Variants in EIF6 observed in about 807,000 individuals in gnomAD.
EIF6 encodes eukaryotic translation initiation factor 6, also known as B4 integrin interactor.
A neutral mutation model predicts 25.5 loss-of-function variants in EIF6; 10 were observed. The ratio of observed to expected loss-of-function variants is 0.39; its 90% confidence interval spans 0.24 to 0.66. The LOEUF is 0.66. EIF6 is among the 30% of genes least tolerant of loss of function. The pLI is 0.45. For missense variants in EIF6, 246 were observed against 315.4 expected, an observed-to-expected ratio of 0.78 and a Z score of 1.67; for synonymous variants, 122 against 122.6, an observed-to-expected ratio of 1.00 and a Z score of 0.03.
At chr20:35,280,619 C>A (rs1332970537) in intron 4 of EIF6, 35 bp downstream of exon 4, 2 of 1,606,806 alleles carry the variant, frequency 1.2e-6, no homozygotes, top group Admixed American at 3.4e-5. Flanking sequence ...ACTAGGATGG[C>A]CCTGTGACTC....
chr20:35,280,568 C>T, intron 4 of EIF6, 86 bp downstream of exon 4: 1 of 1,510,572 alleles, frequency 6.6e-7, no homozygotes, highest in South Asian at 1.2e-5. Flanking sequence ...GGAGAGACCC[C>T]TAATTGCTGC....
At position 35,284,741 on chromosome 20, in the gene EIF6, A is replaced by T; in HGVS notation, c.-21T>A. ...ACCAGCTTACCAAGTAACCAGTAACAAGCTCCGCACGCGGCGACTGTACCT... is the reference window on the plus strand; with the variant it reads ...ACCAGCTTACCAAGTAACCAGTAACTAGCTCCGCACGCGGCGACTGTACCT... On this transcript the variant is annotated 5_prime_UTR_variant, in exon 1 of 7. Coordinates refer to ENST00000374450, the MANE Select transcript of EIF6 (RefSeq NM_002212.4). 1 of 536,348 alleles carries T rather than the reference A, an allele frequency of 1.9e-6. No homozygotes were observed. The highest frequency in any genetic ancestry group is 3.3e-6 in the Non-Finnish European group (1 of 300,938). The allele number at this position is 536,348 out of a possible 1,614,324, so 33.2% of individuals were successfully genotyped here. A position where few individuals can be genotyped will look rare whatever the true frequency, so the allele number is the denominator to read the frequency against.
rs770183082 is a variant in EIF6 at position 35,279,669 on chromosome 20, C to T, written c.625G>A (p.Asp209Asn). 5 of 1,614,190 alleles carry T rather than the reference C, an allele frequency of 3.1e-6. No homozygotes were observed. The highest frequency in any genetic ancestry group is 4.2e-6 in the Non-Finnish European group (5 of 1,180,042). Residue 209 changes from aspartate to asparagine, a missense_variant, in exon 6 of 7, where the codon GAC becomes AAC. Transcript: ENST00000374450. ...ACTGACAGCTCTGTGCTGGTTGTGT[C>T]CAGGCCACAGAAGGCACACCAGTCA... ...VNDWCAFCGL[D>N]TTSTELSVVE...
Position 35,278,986 on chromosome 20 carries a change from GGCCTGCCAGCCAGCACAACAGA to G in EIF6, c.*189_*210del. ...CAGAACCCTCAGCCAGCAGCCACAG[GGCCTGCCAGCCAGCACAACAGA>G]GCAGGTTTTTGCAGTAATGATAGAT... is the stretch of plus-strand genomic sequence containing the variant. On this transcript the variant is annotated 3_prime_UTR_variant, in exon 7 of 7. Coordinates refer to ENST00000374450, the MANE Select transcript of EIF6 (RefSeq NM_002212.4). 2 of 635,086 alleles carry G rather than the reference GGCCTGCCAGCCAGCACAACAGA, an allele frequency of 3.1e-6. No individual in the cohort carries two copies. The highest frequency in any genetic ancestry group is 3.6e-5 in the South Asian group (2 of 54,808). 39.3% of individuals were successfully genotyped at this position (635,086 alleles called of 1,614,324 possible).
chr20:35,280,611 T>G (rs1843991089), intron 4 of EIF6, 43 bp downstream of exon 4: 7 of 1,602,526 alleles, frequency 4.4e-6, no homozygotes, highest in Non-Finnish European at 5.1e-6. Flanking sequence ...AACCACTGAC[T>G]AGGATGGCCC....
chr20:35,284,574 G>A (rs2060809479), intron 1 of EIF6, 82 bp from the exon 2 acceptor site: 1 of 1,485,572 alleles, frequency 6.7e-7, no homozygotes, highest in African/African-American at 1.4e-5. Context: ...GCCCCGCCGC[G>A]ACCCCGCCCC....
In EIF6 at chr20:35,279,721, C is replaced by G; in HGVS notation, c.573G>C (p.Glu191Asp). Residue 191 changes from glutamate to aspartate, a missense_variant, in exon 6 of 7, where the codon GAG (glutamate) becomes GAC (aspartate). Glu to Asp is a conservative substitution (Grantham distance 45). Coordinates refer to ENST00000374450, the MANE Select transcript of EIF6 (RefSeq NM_002212.4). ...LVAGTVNRGS[E>D]VIAAGMVVND... ...TCACCACCATCCCAGCAGCAATCAC[C>G]TCACTGCCTCGGTTCACAGTCCCCG... The G allele has an allele frequency of 6.2e-7, 1 of 1,614,168 alleles. No homozygotes were observed. Among genetic ancestry groups the G allele is most frequent in the African/African-American group, 1.3e-5 (1 of 75,022 alleles).
chr20:35,280,541 C>A, intron 4 of EIF6, 113 bp downstream of exon 4: 1 of 1,279,436 alleles, frequency 7.8e-7, no homozygotes, highest in South Asian at 1.4e-5. Context: ...CTCAAGAGCC[C>A]ATATAGAAAA....
At chr20:35,284,317 G>A (rs1333324786) in intron 2 of EIF6, 56 bp from the exon 3 acceptor site, 2 of 1,613,862 alleles carry the variant, frequency 1.2e-6, no homozygotes, top group Non-Finnish European at 8.5e-7. Context: ...CCCTCCCACT[G>A]CCGGAGCTCT....
chr20:35,281,608 GCTAA>G (rs2060776542), intron 3 of EIF6, among the ~76,000 whole-genome samples: 1 of 151,950 alleles, frequency 6.6e-6, no homozygotes, highest in Non-Finnish European at 1.5e-5. Context: ...ACCACACCTG[GCTAA>G]CTTTTTGTGA....
At chr20:35,283,926 T>C (rs2060799341) in intron 3 of EIF6, among the ~76,000 whole-genome samples, 1 of 152,222 alleles carries the variant, frequency 6.6e-6, no homozygotes, top group Non-Finnish European at 1.5e-5. Flanking sequence ...TCCTACCTTC[T>C]AGTGTCTTTG....
chr20:35,282,214 C>T (rs955643936), intron 3 of EIF6, among the ~76,000 whole-genome samples: 1 of 152,214 alleles, frequency 6.6e-6, no homozygotes, highest in Admixed American at 6.5e-5. Context: ...TGGTCTCGAT[C>T]TCCCGACCTC....
chr20:35,283,933 T>C (rs2060799446), intron 3 of EIF6, among the ~76,000 whole-genome samples: 1 of 152,238 alleles, frequency 6.6e-6, no homozygotes, highest in Admixed American at 6.5e-5. Context: ...TTCTAGTGTC[T>C]TTGTGACGAA....
chr20:35,283,060 G>C (rs545506276), intron 3 of EIF6, among the ~76,000 whole-genome samples: 1 of 152,210 alleles, frequency 6.6e-6, no homozygotes, highest in African/African-American at 2.4e-5. Flanking sequence ...GGGAGGCCGA[G>C]GTGGGAGGAT....
chr20:35,282,369 C>T (rs1262578862), intron 3 of EIF6, among the ~76,000 whole-genome samples: 6 of 152,212 alleles, frequency 3.9e-5, no homozygotes, highest in African/African-American at 9.6e-5. Flanking sequence ...TTGTGATATA[C>T]TTACACAAAA....
rs2060799687 is a variant in EIF6 at position 35,283,944 on chromosome 20, G to A, written c.193+232C>T. Among the ~76,000 whole-genome samples the A allele has an allele frequency of 2.0e-5, 3 of 152,330 alleles. No individual in the cohort carries two copies. In the South Asian group the frequency reaches 6.2e-4, roughly 32 times the overall value. Reference sequence around the variant, plus strand: ...TACCTTCTAGTGTCTTTGTGACGAAGGAATGAGAACAGGAGTGAAAGCACT... The same window carrying A: ...TACCTTCTAGTGTCTTTGTGACGAAAGAATGAGAACAGGAGTGAAAGCACT... On this transcript the variant is annotated intron_variant, in intron 3 of 6. Coordinates refer to ENST00000374450, the MANE Select transcript of EIF6 (RefSeq NM_002212.4).
Position 35,284,187 on chromosome 20 carries a change from C to T in EIF6, c.182G>A (p.Arg61His). Residue 61 changes from arginine (R) to histidine (H), a missense_variant, in exon 3 of 7, where the codon CGC (arginine) becomes CAC (histidine). By Grantham distance (29) the Arg-to-His change is conservative. Transcript: ENST00000374450. ...ASIAGCRIIG[R>H]MCVGNRHGLL... ...TCCACCTGCCTTACCCACACACATG[C>T]GCCCGATGATGCGGCAGCCGGCGAT... The T allele has an allele frequency of 1.9e-6, 3 of 1,594,776 alleles. No homozygotes were observed. Among genetic ancestry groups the T allele is most frequent in the South Asian group, 2.2e-5 (2 of 90,398 alleles).
At chr20:35,282,906 TAAAAA>T (rs74601786) in intron 3 of EIF6, among the ~76,000 whole-genome samples, 1 of 151,762 alleles carries the variant, frequency 6.6e-6, no homozygotes, top group African/African-American at 2.4e-5. Flanking sequence ...AAAGTAAAAG[TAAAAA>T]AATAAAATAA....
At chr20:35,279,353 A>G (rs2060749496) in intron 6 of EIF6, 147 bp from the exon 7 acceptor site, 2 of 1,307,032 alleles carry the variant, frequency 1.5e-6, no homozygotes, top group Admixed American at 4.1e-5. Flanking sequence ...AGCCCTGAAA[A>G]ACCACAAAGA....
Sources: allele counts gnomAD v4.1 joint callset (sites outside exome capture counted in the v4.1 genomes callset), GRCh38; gene constraint gnomAD v4.1.1; transcripts MANE v1.5; gene names NCBI Gene and HGNC (gene_info 2026-07-23, HGNC 2026-07-21).